Variants in ZCCHC2 observed in about 807,000 individuals in gnomAD.
ZCCHC2 encodes zinc finger CCHC-type containing 2.
ZCCHC2 carries 39 observed loss-of-function variants against 103.6 expected under a neutral mutation model. The ratio of observed to expected loss-of-function variants is 0.38; its 90% confidence interval spans 0.29 to 0.49. The LOEUF (loss-of-function observed/expected upper bound fraction) is 0.49. Ranked by LOEUF, ZCCHC2 falls within the 20% of genes least tolerant of loss-of-function variation. The pLI is 0.96. For missense variants in ZCCHC2, 1,483 were observed against 1,491.0 expected (o/e 0.99, Z 0.09); for synonymous variants, 687 against 608.9 (o/e 1.13, Z -1.89).
chr18:62,586,486 A>G lies in ZCCHC2; in HGVS notation c.*2114A>G, dbSNP rs1917173433. The G allele has an allele frequency of 3.3e-5, 5 of 150,858 alleles. No individual in the cohort carries two copies. The South Asian group carries it at 6.3e-4, about 19-fold the overall frequency. 9.3% of individuals were successfully genotyped at this position (150,858 alleles called of 1,614,324 possible). On this transcript the variant is annotated 3_prime_UTR_variant and NMD_transcript_variant, in exon 15 of 15. Coordinates refer to the ZCCHC2 transcript ENST00000585873. ...CTCTGCTTGCATGTGTAAAGTTTTC[A>G]TTTTCAGGGGCCTTTTAGTCAAAAA...
chr18:62,566,399 G>A lies in ZCCHC2; in HGVS notation c.1846+1303G>A, dbSNP rs996280867. On this transcript the variant is annotated intron_variant, in intron 11 of 13. Transcript: ENST00000269499. ...TATCTCTGAGGTTCCCTCTGGTGGC[G>A]ATGGCAGCTTAACGGAGGAGGAACA... Among the ~76,000 whole-genome samples, 4 of 152,318 alleles carry A rather than the reference G, an allele frequency of 2.6e-5. 1 individual carries two copies.
chr18:62,564,751 G>C (rs1240305424), intron 10 of ZCCHC2, 116 bp downstream of exon 10: 2 of 863,006 alleles, frequency 2.3e-6, no homozygotes, highest in East Asian at 2.8e-5. Flanking sequence ...TTTAATTCTG[G>C]GTTTTACTCT....
At chr18:62,542,001 T>C (rs1915210991) in intron 2 of ZCCHC2, among the ~76,000 whole-genome samples, 1 of 152,200 alleles carries the variant, frequency 6.6e-6, no homozygotes, top group African/African-American at 2.4e-5. Context: ...CAAATAATTT[T>C]TAAATTCCTC....
In ZCCHC2 at chr18:62,565,771, A is replaced by C. The variant is rs905794817; in HGVS notation, c.1846+675A>C. 1.8e-4 allele frequency among the ~76,000 whole-genome samples: 28 copies of C among 152,242 alleles called. 1 individual carries two copies. The highest frequency in any genetic ancestry group is 6.5e-5 in the Admixed American group (1 of 15,282). ...CTGGGTGCCCCTGACACATTTATGT[A>C]GTGATCCCACAAATGTGATTGTTAA... On this transcript the variant is annotated intron_variant, in intron 11 of 13. Transcript: ENST00000269499.
intron 3 of ZCCHC2, among the ~76,000 whole-genome samples, chr18:62,543,945 CAGTAA>C (rs1915308025): frequency 6.6e-6 from 1 of 152,112 alleles, no homozygotes; most frequent in Admixed American, 6.6e-5. Flanking sequence ...TGTAATGTGC[CAGTAA>C]AGTAAATAAA....
intron 13 of ZCCHC2, among the ~76,000 whole-genome samples, chr18:62,576,029 T>TAA (rs4048462): frequency 0.3 from 44,121 of 147,874 alleles, 7,592 homozygotes; most frequent in East Asian, 0.75. Context: ...CAGCAAATGT[T>TAA]AAAAAAAAAA....
chr18:62,542,581 C>T lies in ZCCHC2; in HGVS notation c.1128+7C>T. 1 of 1,556,182 alleles carries T rather than the reference C, an allele frequency of 6.4e-7. No homozygotes were observed. Among genetic ancestry groups the T allele is most frequent in the Non-Finnish European group, 8.7e-7 (1 of 1,148,714 alleles). On this transcript the variant is annotated splice_region_variant and intron_variant, in intron 3 of 13. Coordinates refer to ENST00000269499, the MANE Select transcript of ZCCHC2 (RefSeq NM_017742.6). ...CTGGGAGTACACTTTCAAAGTAAGC[C>T]ATTTTCCCCACAAAAGATACCTCAC...
At chr18:62,563,206 A>AT in intron 9 of ZCCHC2, 62 bp downstream of exon 9, 1 of 1,551,956 alleles carries the variant, frequency 6.4e-7, no homozygotes, top group Middle Eastern at 1.7e-4. Context: ...TAAGAAAAAA[A>AT]TTAAGTTCTG....
At chr18:62,570,354 C>T in intron 12 of ZCCHC2, 123 bp downstream of exon 12, 3 of 1,235,824 alleles carry the variant, frequency 2.4e-6, no homozygotes, top group Non-Finnish European at 3.4e-6. Flanking sequence ...ATGCCATTAA[C>T]TGATTTTAAA....
chr18:62,560,583 C>A lies in ZCCHC2; in HGVS notation c.1493-4C>A, dbSNP rs375021646. Reference sequence around the variant, plus strand: ...GTAATAAGTTACTTTTTCCTCTCTTCTAGATGTGTTGCAGCATGCCATAAT... The same window carrying A: ...GTAATAAGTTACTTTTTCCTCTCTTATAGATGTGTTGCAGCATGCCATAAT... On this transcript the variant is annotated splice_polypyrimidine_tract_variant and splice_region_variant and intron_variant, in intron 7 of 13. Coordinates refer to ENST00000269499, the MANE Select transcript of ZCCHC2 (RefSeq NM_017742.6). 1 of 1,612,838 alleles carries A rather than the reference C, an allele frequency of 6.2e-7. No individual in the cohort carries two copies. Among genetic ancestry groups the A allele is most frequent in the Non-Finnish European group, 8.5e-7 (1 of 1,179,278 alleles).
At chr18:62,554,803 T>C (rs1915814231) in intron 5 of ZCCHC2, among the ~76,000 whole-genome samples, 1 of 152,202 alleles carries the variant, frequency 6.6e-6, no homozygotes, top group Non-Finnish European at 1.5e-5. Context: ...GCTCCTGAAT[T>C]CAGATCTCAG....
At position 62,523,630 on chromosome 18, in the gene ZCCHC2, C is replaced by T. The variant is rs2145477965; in HGVS notation, c.206C>T (p.Pro69Leu). ...CCGCCGCCGCCCCGGGGACTCGGGCCGCCTGTTGCTGGTGGAGCGGCGGCG... is the reference window on the plus strand; with the variant it reads ...CCGCCGCCGCCCCGGGGACTCGGGCTGCCTGTTGCTGGTGGAGCGGCGGCG... ...PPPPPPRGLG[P>L]PVAGGAAAGA... The change falls in exon 1 of 14, where the codon CCG (proline) becomes CTG (leucine). Residue 69 changes from proline to leucine, a missense_variant. Physicochemically the swap from Pro to Leu is moderately conservative, Grantham distance 98. Coordinates refer to ENST00000269499, the MANE Select transcript of ZCCHC2 (RefSeq NM_017742.6). 4.9e-6 allele frequency: 6 copies of T among 1,231,812 alleles called. No homozygotes were observed. The highest frequency in any genetic ancestry group is 6.1e-6 in the Non-Finnish European group (6 of 988,702). The allele number at this position is 1,231,812 out of a possible 1,614,324, so 76.3% of individuals were successfully genotyped here.
At chr18:62,543,133 C>G (rs1439925082) in intron 3 of ZCCHC2, among the ~76,000 whole-genome samples, 3 of 152,138 alleles carry the variant, frequency 2.0e-5, no homozygotes, top group African/African-American at 7.2e-5. Context: ...CCTGCTTGAG[C>G]TACGCCTTTT....
Position 62,523,374 on chromosome 18 carries a change from C to CGGCG in ZCCHC2, c.-48_-47insGGGC. 6.9e-6 allele frequency: 7 copies of CGGCG among 1,013,902 alleles called. No individual in the cohort carries two copies. The highest frequency in any genetic ancestry group is 3.7e-5 in the South Asian group (1 of 27,240). 62.8% of individuals were successfully genotyped at this position (1,013,902 alleles called of 1,614,324 possible). On this transcript the variant is annotated 5_prime_UTR_variant, in exon 1 of 14. Coordinates refer to ENST00000269499, the MANE Select transcript of ZCCHC2 (RefSeq NM_017742.6). ...CCGCCTCGGCCCGTGCTCCACCTCG[C>CGGCG]GGCCCCTCCCGCCCGCCCCCGCTCG...
chr18:62,546,271 G>A (rs774594229), intron 4 of ZCCHC2, among the ~76,000 whole-genome samples: 7 of 152,128 alleles, frequency 4.6e-5, no homozygotes, highest in Non-Finnish European at 1.0e-4. Context: ...GGCCTAGACC[G>A]GGGCAGGCTC....
intron 1 of ZCCHC2, among the ~76,000 whole-genome samples, chr18:62,529,373 G>A (rs994691338): frequency 6.6e-6 from 1 of 152,108 alleles, no homozygotes; most frequent in Non-Finnish European, 1.5e-5. Context: ...TCCTTAACTT[G>A]TAGCATAGTG....
At chr18:62,546,691 C>A (rs534378925) in intron 4 of ZCCHC2, among the ~76,000 whole-genome samples, 2 of 152,196 alleles carry the variant, frequency 1.3e-5, no homozygotes, top group Admixed American at 1.3e-4. Flanking sequence ...TAGTGCCTGG[C>A]GCATGGAGTC....
intron 4 of ZCCHC2, among the ~76,000 whole-genome samples, 167 bp from the exon 5 acceptor site, chr18:62,550,181 G>A (rs913084328): frequency 6.6e-6 from 1 of 152,240 alleles, no homozygotes; most frequent in African/African-American, 2.4e-5. Context: ...GGAAAGGTCT[G>A]TGCTGCTTCA....
In ZCCHC2 at chr18:62,575,402, C is replaced by G. The variant is rs529223405; in HGVS notation, c.3321C>G (p.Phe1107Leu). The G allele has an allele frequency of 3.7e-6, 6 of 1,613,988 alleles. No homozygotes were observed. Among genetic ancestry groups the G allele is most frequent in the South Asian group, 1.1e-5 (1 of 91,070 alleles). The change falls in exon 13 of 14, where the codon TTC (phenylalanine) becomes TTG (leucine). Residue 1107 changes from phenylalanine to leucine, a missense_variant. Phe to Leu is a conservative substitution (Grantham distance 22). Around this residue, in one of 3 missense-constraint regions of ZCCHC2, gnomAD observed 884 missense variants for 907.5 expected, o/e 0.97. Transcript: ENST00000269499. ...GMQQMAGFGR[F>L]YPVYPAPNVV... The stretch of plus-strand genomic sequence containing the variant: ...AGCAGATGGCAGGATTTGGGAGATT[C>G]TATCCTGTATATCCAGCACCTAACG...
Sources: allele counts gnomAD v4.1 joint callset (sites outside exome capture counted in the v4.1 genomes callset), GRCh38; gene constraint gnomAD v4.1.1; regional missense constraint gnomAD v4.1.1; transcripts MANE v1.5; gene names NCBI Gene and HGNC (gene_info 2026-07-23, HGNC 2026-07-21).